The following SREBF2 variants were observed in gnomAD, a reference collection of about 807,000 sequenced individuals.
SREBF2 encodes sterol regulatory element binding transcription factor 2.
SREBF2 carries 55 observed loss-of-function variants against 113.1 expected under a neutral mutation model. That is an observed-to-expected ratio of 0.49 (90% CI 0.39 to 0.61). The LOEUF (loss-of-function observed/expected upper bound fraction) is 0.61, where lower values mean the gene tolerates loss of function less well. Among genes scored for constraint, SREBF2 ranks in the 20% least tolerant of loss-of-function variants. SREBF2 has a pLI of 0.00. For synonymous variants in SREBF2, 593 were observed against 605.7 expected, an observed-to-expected ratio of 0.98 and a Z score of 0.31; for missense variants, 1,349 against 1,487.4, an observed-to-expected ratio of 0.91 and a Z score of 1.53.
chr22:41,868,991 A>G (rs1220935777), intron 3 of SREBF2, among the ~76,000 whole-genome samples, 199 bp downstream of exon 3: 1 of 152,262 alleles, frequency 6.6e-6, no homozygotes, highest in Non-Finnish European at 1.5e-5. Context: ...CACTCAGGAA[A>G]GGCTGGTGCA....
chr22:41,906,509 T>G lies in SREBF2; in HGVS notation c.*849T>G, dbSNP rs922661648. 4 of 159,994 alleles carry G rather than the reference T, an allele frequency of 2.5e-5. No individual in the cohort carries two copies. In the East Asian group the frequency reaches 7.5e-4, roughly 30 times the overall value. The allele number at this position is 159,994 out of a possible 1,614,324, so 9.9% of individuals were successfully genotyped here. A position where few individuals can be genotyped will look rare whatever the true frequency, so the allele number is the denominator to read the frequency against. ...TCAGCATGGCTTCTAGGTTCCCTCCTCCCCCTACCCCATCTCCTACCTCCA... is the reference window on the plus strand; with the variant it reads ...TCAGCATGGCTTCTAGGTTCCCTCCGCCCCCTACCCCATCTCCTACCTCCA... On this transcript the variant is annotated 3_prime_UTR_variant, in exon 19 of 19. Transcript: ENST00000361204.
rs17848337 is a variant in SREBF2, at chr22:41,904,944, C to T, written c.3175C>T (p.Arg1059Trp). The T allele has an allele frequency of 2.3e-5, 37 of 1,601,322 alleles. No homozygotes were observed. The highest frequency in any genetic ancestry group is 5.1e-5 in the Admixed American group (3 of 59,204). ...CCACCAGCTGCTGGAACACAGCCTG[C>T]GGCGGCGCACCACGCAGAGCACCAA... ...RTHQLLEHSL[R>W]RRTTQSTKHG... Residue 1059 changes from arginine (R) to tryptophan (W), a missense_variant, in exon 18 of 19, where the codon CGG (arginine) becomes TGG (tryptophan). Physicochemically the swap from Arg to Trp is moderately radical, Grantham distance 101. Transcript: ENST00000361204.
intron 9 of SREBF2, 102 bp from the exon 10 acceptor site, chr22:41,880,614 C>T (rs1344630540): frequency 6.7e-7 from 1 of 1,482,152 alleles, no homozygotes; most frequent in African/African-American, 1.4e-5. Flanking sequence ...TGAGTGTGCA[C>T]TAATTCCTCT....
intron 1 of SREBF2, among the ~76,000 whole-genome samples, chr22:41,842,821 C>T (rs752753809): frequency 6.6e-5 from 10 of 151,978 alleles, no homozygotes; most frequent in African/African-American, 1.2e-4. Flanking sequence ...AACCCTGTCT[C>T]GACTAAAAAA....
chr22:41,893,160 A>G lies in SREBF2; in HGVS notation c.2252A>G (p.His751Arg), dbSNP rs201451607. ...GCCCAGAGCCTGTGTGGCCCCGAGC[A>G]CAGTGCTGTTCCTGACTCCCTGCGC... ...SRAQSLCGPE[H>R]SAVPDSLRWL... The change falls in exon 12 of 19, where the codon CAC becomes CGC. Residue 751 changes from histidine to arginine, a missense_variant. This residue lies in a region of SREBF2 where 650 missense variants were observed against 644.1 expected (regional missense o/e 1.01). Transcript: ENST00000361204. 6.2e-7 allele frequency: 1 copy of G among 1,614,128 alleles called. No homozygotes were observed. The highest frequency in any genetic ancestry group is 2.2e-5 in the East Asian group (1 of 44,882).
chr22:41,866,697 G>C lies in SREBF2; in HGVS notation c.89-134G>C, dbSNP rs978613779. ...GCCCAGATGATCCCCACAAGAAAGAGGTAAGGGTTTCCTGACCCATTTCTG... is the reference window on the plus strand; with the variant it reads ...GCCCAGATGATCCCCACAAGAAAGACGTAAGGGTTTCCTGACCCATTTCTG... On this transcript the variant is annotated intron_variant, in intron 1 of 18. Transcript: ENST00000361204. 2.1e-5 allele frequency: 22 copies of C among 1,031,114 alleles called. No homozygotes were observed. The African/African-American group carries it at 2.8e-4, about 13-fold the overall frequency. The allele number at this position is 1,031,114 out of a possible 1,614,324, so 63.9% of individuals were successfully genotyped here.
At chr22:41,880,681 G>T in intron 9 of SREBF2, 35 bp from the exon 10 acceptor site, 1 of 1,614,098 alleles carries the variant, frequency 6.2e-7, no homozygotes, top group Non-Finnish European at 8.5e-7. Flanking sequence ...CCGGAGCAAG[G>T]CCAGTGACCA....
chr22:41,893,247 C>G lies in SREBF2; in HGVS notation c.2339C>G (p.Ala780Gly), dbSNP rs150678088. ...GAGCGGAGCTGGTCTGTGAAGTCAG[C>G]TGCCAAGGAGAGTCTATACTGTGCC... ...FMERSWSVKS[A>G]AKESLYCAQR... Residue 780 changes from alanine (A) to glycine (G), a missense_variant, in exon 12 of 19, where the codon GCT becomes GGT. By Grantham distance (60) the Ala-to-Gly change is moderately conservative. This residue lies in a region of SREBF2 where 650 missense variants were observed against 644.1 expected (regional missense o/e 1.01). Coordinates refer to ENST00000361204, the MANE Select transcript of SREBF2 (RefSeq NM_004599.4). 1 of 1,614,208 alleles carries G rather than the reference C, an allele frequency of 6.2e-7. No individual in the cohort carries two copies. The highest frequency in any genetic ancestry group is 1.3e-5 in the African/African-American group (1 of 75,054).
At chr22:41,874,908 G>T (rs1357776167) in intron 5 of SREBF2, among the ~76,000 whole-genome samples, 2 of 150,550 alleles carry the variant, frequency 1.3e-5, no homozygotes, top group African/African-American at 2.5e-5. Context: ...ACTCTGTCTT[G>T]GAAAAAAGAA....
intron 1 of SREBF2, among the ~76,000 whole-genome samples, chr22:41,843,077 A>C (rs1276526420): frequency 6.6e-6 from 1 of 152,236 alleles, no homozygotes; most frequent in Non-Finnish European, 1.5e-5. Context: ...ACAATGAAGC[A>C]GTTGCCTAAT....
intron 1 of SREBF2, among the ~76,000 whole-genome samples, chr22:41,864,826 A>G (rs540896839): frequency 1.3e-5 from 2 of 152,058 alleles, no homozygotes; most frequent in Admixed American, 1.3e-4. Flanking sequence ...GTTGGCGCAC[A>G]CCTGTGGTCC....
chr22:41,904,325 G>C (rs1256416832), intron 17 of SREBF2, among the ~76,000 whole-genome samples: 1 of 152,218 alleles, frequency 6.6e-6, no homozygotes, highest in Non-Finnish European at 1.5e-5. Flanking sequence ...ATCAAAAAGA[G>C]CTTGAGATTT....
intron 1 of SREBF2, among the ~76,000 whole-genome samples, chr22:41,859,454 T>G (rs1569382326): frequency 6.6e-6 from 1 of 152,228 alleles, no homozygotes; most frequent in Non-Finnish European, 1.5e-5. Context: ...CATGGCTCAT[T>G]TCAGCCGAAT....
chr22:41,890,803 G>A (rs1463340801), intron 11 of SREBF2, among the ~76,000 whole-genome samples: 1 of 151,800 alleles, frequency 6.6e-6, no homozygotes, highest in Non-Finnish European at 1.5e-5. Flanking sequence ...AGCTACTTGG[G>A]AGGCTGAGGC....
At chr22:41,884,211 C>T (rs987457066) in intron 10 of SREBF2, among the ~76,000 whole-genome samples, 11 of 152,224 alleles carry the variant, frequency 7.2e-5, no homozygotes, top group African/African-American at 2.7e-4. Context: ...TCTCAGCTCA[C>T]TGCAACCTCC....
At chr22:41,872,049 G>C (rs1464251674) in intron 4 of SREBF2, among the ~76,000 whole-genome samples, 1 of 151,980 alleles carries the variant, frequency 6.6e-6, no homozygotes, top group Non-Finnish European at 1.5e-5. Flanking sequence ...AGGAGATCGA[G>C]ACCATCCTGG....
At chr22:41,904,423 CT>C (rs2077488447) in intron 17 of SREBF2, 4 of 380,886 alleles carry the variant, frequency 1.1e-5, no homozygotes. Context: ...CCTCTAGACT[CT>C]CTTCCTTTCT....
intron 1 of SREBF2, among the ~76,000 whole-genome samples, chr22:41,849,923 G>C (rs1310987509): frequency 6.8e-6 from 1 of 146,204 alleles, no homozygotes; most frequent in Admixed American, 7.3e-5. Context: ...TGGATCACGA[G>C]GTCAGGAGAT....
In SREBF2 at chr22:41,837,715, G is replaced by A. The variant is rs561444459; in HGVS notation, c.88+4357G>A. On this transcript the variant is annotated intron_variant, in intron 1 of 18. Coordinates refer to ENST00000361204, the MANE Select transcript of SREBF2 (RefSeq NM_004599.4). ...CTCTACTAAAAATACAAAATTAGCC[G>A]GGCGTCGTGGCACATGCCTGTAATC... 1.6e-4 allele frequency among the ~76,000 whole-genome samples: 24 copies of A among 151,594 alleles called. 1 individual carries two copies. The highest frequency in any genetic ancestry group is 5.3e-4 in the African/African-American group (22 of 41,312).
Sources: allele counts gnomAD v4.1 joint callset (sites outside exome capture counted in the v4.1 genomes callset), GRCh38; gene constraint gnomAD v4.1.1; regional missense constraint gnomAD v4.1.1; transcripts MANE v1.5; gene names NCBI Gene and HGNC (gene_info 2026-07-23, HGNC 2026-07-21).